PRKCA: variants seen among roughly 807,000 people sequenced by gnomAD.
The protein encoded by PRKCA is protein kinase C alpha, also known as protein kinase C alpha type.
PRKCA carries 27 observed loss-of-function variants against 87.0 expected under a neutral mutation model. The observed-to-expected ratio is 0.31, with a 90% CI of 0.23 to 0.43. The LOEUF is 0.43. PRKCA is among the 20% of genes least tolerant of loss of function. PRKCA has a pLI of 1.00. For missense variants in PRKCA, 518 were observed against 852.3 expected (o/e 0.61, Z 4.88); for synonymous variants, 329 against 311.1 (o/e 1.06, Z -0.61).
intron 8 of PRKCA, among the ~76,000 whole-genome samples, chr17:66,704,953 A>T (rs1973154903): frequency 6.6e-6 from 1 of 152,204 alleles, no homozygotes; most frequent in Non-Finnish European, 1.5e-5. Context: ...GTTGGGGGAA[A>T]AATAAAACCA....
intron 1 of PRKCA, among the ~76,000 whole-genome samples, chr17:66,305,245 C>T (rs17633401): frequency 0.36 from 54,469 of 151,956 alleles, 10,254 homozygotes; most frequent in East Asian, 0.57. Flanking sequence ...TATTTTTAAG[C>T]GAAATGTTTA....
chr17:66,642,351 G>A (rs959531939), intron 4 of PRKCA, among the ~76,000 whole-genome samples: 4 of 151,960 alleles, frequency 2.6e-5, no homozygotes, highest in Non-Finnish European at 4.4e-5. Context: ...GGATAGTCTC[G>A]ATCTCCTGAC....
chr17:66,565,437 A>C (rs376358499), intron 3 of PRKCA, among the ~76,000 whole-genome samples: 54 of 152,356 alleles, frequency 3.5e-4, no homozygotes, highest in African/African-American at 1.2e-3. Context: ...GCACCCACCT[A>C]GCCTCTTTCT....
At chr17:66,337,420 C>T (rs961154835) in intron 2 of PRKCA, among the ~76,000 whole-genome samples, 5 of 151,890 alleles carry the variant, frequency 3.3e-5, no homozygotes, top group African/African-American at 4.8e-5. Context: ...GAGACAGTCT[C>T]ACTCTGTCAT....
intron 2 of PRKCA, among the ~76,000 whole-genome samples, chr17:66,313,188 T>C (rs1016821398): frequency 2.6e-5 from 4 of 152,148 alleles, no homozygotes; most frequent in Admixed American, 6.6e-5. Context: ...TAAATATTTG[T>C]TGGGTGTGTG....
intron 6 of PRKCA, 42 bp from the exon 7 acceptor site, chr17:66,688,260 G>T: frequency 6.2e-7 from 1 of 1,606,674 alleles, no homozygotes; most frequent in Non-Finnish European, 8.5e-7. Context: ...AAGAAACCAT[G>T]ATCAAGATAA....
Position 66,742,717 on chromosome 17 carries a change from C to T in PRKCA, c.1481C>T (p.Thr494Met), listed in dbSNP as rs763954407. Residue 494 changes from threonine to methionine, a missense_variant, in exon 13 of 17, where the codon ACG (threonine) becomes ATG (methionine). By Grantham distance (81) the Thr-to-Met change is moderately conservative. Transcript: ENST00000413366. ...AAGGAACACATGATGGATGGAGTCACGACCAGGACCTTCTGTGGGACTCCA... is the reference window on the plus strand; with the variant it reads ...AAGGAACACATGATGGATGGAGTCATGACCAGGACCTTCTGTGGGACTCCA... ...MCKEHMMDGV[T>M]TRTFCGTPDY... The T allele has an allele frequency of 2.2e-5, 35 of 1,614,020 alleles. No homozygotes were observed. The highest frequency in any genetic ancestry group is 4.5e-5 in the East Asian group (2 of 44,894).
At chr17:66,793,744 A>G (rs1186883903) in intron 16 of PRKCA, among the ~76,000 whole-genome samples, 1 of 152,106 alleles carries the variant, frequency 6.6e-6, no homozygotes, top group East Asian at 1.9e-4. Flanking sequence ...GCGTCAGGTG[A>G]GCGTGGAGGC....
intron 3 of PRKCA, among the ~76,000 whole-genome samples, chr17:66,559,024 G>A (rs1598768278): frequency 6.6e-6 from 1 of 152,164 alleles, no homozygotes; most frequent in South Asian, 2.1e-4. Flanking sequence ...CCATGCATTC[G>A]AACAGGCTGT....
In PRKCA at chr17:66,355,599, C is replaced by A. The variant is rs577495068; in HGVS notation, c.205+49472C>A. Among the ~76,000 whole-genome samples, 8 of 152,228 alleles carry A rather than the reference C, an allele frequency of 5.3e-5. No homozygotes were observed. In the East Asian group the frequency reaches 1.4e-3, roughly 26 times the overall value. On this transcript the variant is annotated intron_variant, in intron 2 of 16. Transcript: ENST00000413366. Reference sequence around the variant, plus strand: ...TTCGACTTTTGAGAGTCAGTTTATCCTCTCACCCAGCAAATCTGCTTTTGA... The same window carrying A: ...TTCGACTTTTGAGAGTCAGTTTATCATCTCACCCAGCAAATCTGCTTTTGA...
At position 66,424,813 on chromosome 17, in the gene PRKCA, G is replaced by C. The variant is rs560119489; in HGVS notation, c.206-71388G>C. On this transcript the variant is annotated intron_variant, in intron 2 of 16. Transcript: ENST00000413366. ...CACCCAGGCTGGAATGCAGTGGCAT[G>C]ATCTGGGCTCATTGCAGCCTCAACC... 7.1e-4 allele frequency among the ~76,000 whole-genome samples: 107 copies of C among 150,378 alleles called. 1 individual carries two copies. Among genetic ancestry groups the C allele is most frequent in the Admixed American group, 1.3e-3 (19 of 15,006 alleles).
At chr17:66,511,358 A>G (rs530814882) in intron 3 of PRKCA, among the ~76,000 whole-genome samples, 1 of 152,308 alleles carries the variant, frequency 6.6e-6, no homozygotes, top group South Asian at 2.1e-4. Context: ...ATCACAAAAG[A>G]CCAAGGAAGC....
At chr17:66,439,245 A>G (rs984886003) in intron 2 of PRKCA, among the ~76,000 whole-genome samples, 4 of 152,054 alleles carry the variant, frequency 2.6e-5, no homozygotes, top group Admixed American at 6.6e-5. Context: ...CAGTGGCACA[A>G]TCTCAGCTCA....
intron 5 of PRKCA, among the ~76,000 whole-genome samples, chr17:66,654,228 C>T (rs1477962487): frequency 5.3e-5 from 8 of 152,212 alleles, no homozygotes; most frequent in Non-Finnish European, 1.0e-4. Context: ...CAGCCAGTCA[C>T]AGCAGTAGCA....
At chr17:66,795,698 T>C (rs936984995) in intron 16 of PRKCA, among the ~76,000 whole-genome samples, 1 of 152,186 alleles carries the variant, frequency 6.6e-6, no homozygotes, top group Non-Finnish European at 1.5e-5. Flanking sequence ...AGTGTATGAA[T>C]TGACAGGTTT....
chr17:66,366,235 G>A (rs1908713915), intron 2 of PRKCA, among the ~76,000 whole-genome samples: 1 of 151,798 alleles, frequency 6.6e-6, no homozygotes, highest in Admixed American at 6.6e-5. Flanking sequence ...GCAATTTACA[G>A]TACTTAAAGG....
At chr17:66,341,133 T>G (rs1357407329) in intron 2 of PRKCA, among the ~76,000 whole-genome samples, 1 of 152,152 alleles carries the variant, frequency 6.6e-6, no homozygotes, top group African/African-American at 2.4e-5. Flanking sequence ...CATTGCCGAA[T>G]CAAAATTTTT....
At chr17:66,322,419 T>G (rs1905724507) in intron 2 of PRKCA, among the ~76,000 whole-genome samples, 1 of 152,206 alleles carries the variant, frequency 6.6e-6, no homozygotes, top group South Asian at 2.1e-4. Context: ...TAATGGCTAC[T>G]GTATTGGAAG....
intron 5 of PRKCA, among the ~76,000 whole-genome samples, chr17:66,681,546 C>G (rs920031215): frequency 2.0e-5 from 3 of 152,178 alleles, no homozygotes; most frequent in African/African-American, 7.2e-5. Flanking sequence ...CTTACTTTGT[C>G]CTGGGTTCTC....
Sources: allele counts gnomAD v4.1 joint callset (sites outside exome capture counted in the v4.1 genomes callset), GRCh38; gene constraint gnomAD v4.1.1; transcripts MANE v1.5; gene names NCBI Gene and HGNC (gene_info 2026-07-23, HGNC 2026-07-21).